PLXNA4: variants seen among roughly 807,000 people sequenced by gnomAD.
The protein encoded by PLXNA4 is plexin A4.
In PLXNA4, 44 loss-of-function variants were observed where a neutral mutation model predicts 191.8. The ratio of observed to expected loss-of-function variants is 0.23; its 90% CI spans 0.18 to 0.29. The LOEUF (loss-of-function observed/expected upper bound fraction) is 0.29, where lower values mean the gene tolerates loss of function less well. Ranked by LOEUF, PLXNA4 falls within the 10% of genes least tolerant of loss-of-function variation. The pLI is 1.00. For missense variants in PLXNA4, 1,800 were observed against 2,488.8 expected (o/e 0.72, Z 5.89); for synonymous variants, 1,082 against 1,009.5 (o/e 1.07, Z -1.36).
intron 3 of PLXNA4, among the ~76,000 whole-genome samples, chr7:132,446,086 A>C (rs938424837): frequency 6.6e-6 from 1 of 152,204 alleles, no homozygotes; most frequent in African/African-American, 2.4e-5. Flanking sequence ...TAAGACAGCC[A>C]GGTGTGGTCT....
intron 4 of PLXNA4, among the ~76,000 whole-genome samples, chr7:132,278,835 G>A (rs1800373611): frequency 6.6e-6 from 1 of 152,174 alleles, no homozygotes; most frequent in Admixed American, 6.5e-5. Context: ...TGAGGTTTAT[G>A]TCTATAACTA....
intron 1 of PLXNA4, among the ~76,000 whole-genome samples, chr7:132,514,287 A>C (rs867573716): frequency 3.5e-5 from 5 of 143,624 alleles, no homozygotes; most frequent in Non-Finnish European, 7.7e-5. Context: ...TCCTGACCTC[A>C]TGATCCGCCC....
intron 21 of PLXNA4, among the ~76,000 whole-genome samples, chr7:132,171,903 A>G (rs1292136235): frequency 6.6e-6 from 1 of 152,218 alleles, no homozygotes; most frequent in Non-Finnish European, 1.5e-5. Flanking sequence ...AGTGCTTGGC[A>G]TGCACCGTGC....
intron 10 of PLXNA4, among the ~76,000 whole-genome samples, chr7:132,205,984 C>T (rs993407466): frequency 6.6e-6 from 1 of 152,206 alleles, no homozygotes; most frequent in African/African-American, 2.4e-5. Context: ...TGTTTATGTG[C>T]ATGCTGACTT....
intron 25 of PLXNA4, among the ~76,000 whole-genome samples, chr7:132,153,288 G>A (rs980865241): frequency 6.6e-6 from 1 of 152,188 alleles, no homozygotes; most frequent in African/African-American, 2.4e-5. Context: ...AGAGGTGTAG[G>A]GAGGTCAGGA....
intron 2 of PLXNA4, among the ~76,000 whole-genome samples, chr7:132,630,101 C>T (rs748139602): frequency 5.3e-5 from 8 of 152,272 alleles, no homozygotes; most frequent in East Asian, 1.9e-4. Context: ...CCACCTGCCT[C>T]GGCCTCCCAA....
At chr7:132,412,941 A>T (rs1385811914) in intron 3 of PLXNA4, among the ~76,000 whole-genome samples, 2 of 152,270 alleles carry the variant, frequency 1.3e-5, no homozygotes, top group East Asian at 3.9e-4. Flanking sequence ...TGACAGAGGT[A>T]AACTATTGCT....
intron 3 of PLXNA4, among the ~76,000 whole-genome samples, chr7:132,448,704 TA>T (rs1680620211): frequency 6.6e-6 from 1 of 152,236 alleles, no homozygotes; most frequent in African/African-American, 2.4e-5. Flanking sequence ...TTCTCAGACC[TA>T]AAGTGGAGAA....
rs576072141 is a variant in PLXNA4, at chr7:132,377,434, A to G, written c.1372-79212T>C. The stretch of plus-strand genomic sequence containing the variant: ...CTCAAATGAAAAAGAAAAAAAAAAA[A>G]AAAAGAAAACAAAACAAAACAAAAG... On this transcript the variant is annotated intron_variant, in intron 3 of 31. Coordinates refer to ENST00000321063, the MANE Select transcript of PLXNA4 (RefSeq NM_020911.2). Among the ~76,000 whole-genome samples, 31 of 152,124 alleles carry G rather than the reference A, an allele frequency of 2.0e-4. No individual in the cohort carries two copies. In the South Asian group the frequency reaches 5.8e-3, roughly 29 times the overall value.
chr7:132,611,914 GC>G (rs1308051324), intron 2 of PLXNA4, among the ~76,000 whole-genome samples: 2 of 152,000 alleles, frequency 1.3e-5, no homozygotes, highest in African/African-American at 4.8e-5. Flanking sequence ...GAGTCCAGGG[GC>G]TCCATGAAAT....
intron 2 of PLXNA4, among the ~76,000 whole-genome samples, chr7:132,612,258 G>A (rs1188160112): frequency 6.6e-6 from 1 of 152,102 alleles, no homozygotes; most frequent in Admixed American, 6.5e-5. Context: ...TGCATTGTGT[G>A]ACCTCGAAAA....
chr7:132,257,710 A>G (rs1799481291), intron 4 of PLXNA4, among the ~76,000 whole-genome samples: 1 of 152,198 alleles, frequency 6.6e-6, no homozygotes, highest in Admixed American at 6.5e-5. Flanking sequence ...GGCTGCTAGA[A>G]CTGAGTGGGC....
intron 9 of PLXNA4, among the ~76,000 whole-genome samples, chr7:132,212,986 A>G (rs1490027619): frequency 6.6e-6 from 1 of 152,228 alleles, no homozygotes; most frequent in African/African-American, 2.4e-5. Context: ...CACAACAGCC[A>G]AAAGGTAGAA....
At chr7:132,226,662 T>C (rs1478875748) in intron 7 of PLXNA4, among the ~76,000 whole-genome samples, 1 of 152,210 alleles carries the variant, frequency 6.6e-6, no homozygotes, top group Non-Finnish European at 1.5e-5. Context: ...TGTGTATGCA[T>C]GAGCTCATTC....
intron 2 of PLXNA4, among the ~76,000 whole-genome samples, chr7:132,628,204 A>G (rs1170527501): frequency 1.3e-5 from 2 of 152,250 alleles, no homozygotes; most frequent in Non-Finnish European, 2.9e-5. Context: ...TTGGTTGGAT[A>G]TAAAATTCTA....
At chr7:132,642,313 T>C (rs764345797) in intron 2 of PLXNA4, among the ~76,000 whole-genome samples, 3 of 152,142 alleles carry the variant, frequency 2.0e-5, no homozygotes, top group African/African-American at 4.8e-5. Flanking sequence ...CATCTAGCAG[T>C]TTGTATTACA....
intron 3 of PLXNA4, among the ~76,000 whole-genome samples, chr7:132,316,327 T>C (rs1801942551): frequency 1.3e-5 from 2 of 151,964 alleles, no homozygotes; most frequent in South Asian, 4.1e-4. Context: ...GCAAGCTCTC[T>C]AACCAGAGTT....
chr7:132,307,007 G>A (rs1445407862), intron 3 of PLXNA4, among the ~76,000 whole-genome samples: 1 of 152,090 alleles, frequency 6.6e-6, no homozygotes, highest in African/African-American at 2.4e-5. Flanking sequence ...TTCAGAAAGG[G>A]GACCTTCCTT....
rs1794777489 is a variant in PLXNA4, at chr7:132,126,696, A to AACTT, written c.*3779_*3782dup. On this transcript the variant is annotated 3_prime_UTR_variant, in exon 32 of 32. Coordinates refer to ENST00000321063, the MANE Select transcript of PLXNA4 (RefSeq NM_020911.2). ...TCAAACTTTGGGATTTATTTAAAAT[A>AACTT]ACTTCTCTTTCACTTGTAGCTCCTC... is the stretch of plus-strand genomic sequence containing the variant. 6.6e-6 allele frequency: 1 copy of AACTT among 152,200 alleles called. No individual in the cohort carries two copies. Among genetic ancestry groups the AACTT allele is most frequent in the Non-Finnish European group, 1.5e-5 (1 of 68,058 alleles). The allele number at this position is 152,200 out of a possible 1,614,324, so 9.4% of individuals were successfully genotyped here.
Sources: allele counts gnomAD v4.1 joint callset (sites outside exome capture counted in the v4.1 genomes callset), GRCh38; gene constraint gnomAD v4.1.1; transcripts MANE v1.5; gene names NCBI Gene and HGNC (gene_info 2026-07-23, HGNC 2026-07-21).